Variants in AKAP7 observed in about 807,000 individuals in gnomAD.
AKAP7 encodes A kinase (PRKA) anchor protein 7.
Under a neutral mutation model 39.5 loss-of-function variants are expected in AKAP7, and 39 were observed. The observed-to-expected ratio is 0.99, with a 90% CI of 0.76 to 1.29. The LOEUF (loss-of-function observed/expected upper bound fraction) is 1.29. AKAP7 is among the 50% of genes most tolerant of loss of function. The pLI is 0.00. For missense variants in AKAP7, 414 were observed against 407.7 expected, an observed-to-expected ratio of 1.02 and a Z score of -0.13; for synonymous variants, 140 against 139.1, an observed-to-expected ratio of 1.01 and a Z score of -0.05.
chr6:131,226,385 A>C (rs1340151314), intron 7 of AKAP7, among the ~76,000 whole-genome samples: 1 of 152,242 alleles, frequency 6.6e-6, no homozygotes, highest in Non-Finnish European at 1.5e-5. Flanking sequence ...TTTCATGCTC[A>C]AAGCTTTGGG....
chr6:131,279,262 A>G (rs1240546697), intron 7 of AKAP7, among the ~76,000 whole-genome samples: 1 of 152,030 alleles, frequency 6.6e-6, no homozygotes, highest in African/African-American at 2.4e-5. Context: ...ATCAGCAGGG[A>G]AAATTCACTT....
chr6:131,148,157 T>C (rs972260454), intron 2 of AKAP7, among the ~76,000 whole-genome samples: 4 of 152,194 alleles, frequency 2.6e-5, no homozygotes, highest in East Asian at 1.9e-4. Context: ...TAGGATATGA[T>C]ATATTTTTTA....
chr6:131,273,754 C>G (rs1014189394), intron 7 of AKAP7, among the ~76,000 whole-genome samples: 5 of 152,114 alleles, frequency 3.3e-5, no homozygotes, highest in Non-Finnish European at 7.4e-5. Flanking sequence ...CTTTTTGTTT[C>G]TGAGTAGATC....
intron 7 of AKAP7, among the ~76,000 whole-genome samples, chr6:131,220,900 T>C (rs2128298506): frequency 6.6e-6 from 1 of 152,298 alleles, no homozygotes; most frequent in South Asian, 2.1e-4. Context: ...GATAAATGTG[T>C]GTGTTCCGAC....
rs192409869 is a variant in AKAP7 at position 131,282,718 on chromosome 6, C to T, written c.*992C>T. On this transcript the variant is annotated 3_prime_UTR_variant, in exon 8 of 8. Transcript: ENST00000431975. ...TAGTGTCTGCACAACAGCAAACCAA[C>T]ATTTGGTGAGGAATTAGCAATTTCT... is the stretch of plus-strand genomic sequence containing the variant. The T allele has an allele frequency of 3.4e-4, 277 of 809,598 alleles. 1 individual carries two copies. Among genetic ancestry groups the T allele is most frequent in the Non-Finnish European group, 4.3e-4 (246 of 566,456 alleles). 50.2% of individuals were successfully genotyped at this position (809,598 alleles called of 1,614,324 possible). A position where few individuals can be genotyped will look rare whatever the true frequency, so the allele number is the denominator to read the frequency against.
chr6:131,151,863 CA>C (rs754705940), intron 2 of AKAP7, among the ~76,000 whole-genome samples: 7 of 152,110 alleles, frequency 4.6e-5, no homozygotes, highest in Non-Finnish European at 7.4e-5. Context: ...AATAAAATAT[CA>C]AAACAAATCT....
chr6:131,239,477 T>C (rs1811347622), intron 7 of AKAP7, among the ~76,000 whole-genome samples: 1 of 152,232 alleles, frequency 6.6e-6, no homozygotes, highest in Non-Finnish European at 1.5e-5. Flanking sequence ...GGGGAAGTTC[T>C]CCTGGATAAT....
At chr6:131,134,539 T>C (rs192363657), upstream of AKAP7, among the ~76,000 whole-genome samples, 3 of 152,300 alleles carry the variant, frequency 2.0e-5, no homozygotes, top group Admixed American at 2.0e-4. Context: ...ATCAGCTCCA[T>C]AAGTAAAAGA....
chr6:131,126,642 C>G, the AKAP7 span, among the ~76,000 whole-genome samples: 1 of 152,090 alleles, frequency 6.6e-6, no homozygotes, highest in African/African-American at 2.4e-5. Context: ...CATGGAGAAG[C>G]AGGGGAAAGA....
chr6:131,164,372 A>T (rs1185941316), intron 3 of AKAP7: 1 of 455,286 alleles, frequency 2.2e-6, no homozygotes, highest in Non-Finnish European at 4.4e-6. Context: ...AGGAGGGAAG[A>T]TGCATCATTC....
chr6:131,164,383 C>T (rs946908217), intron 3 of AKAP7: 25 of 455,314 alleles, frequency 5.5e-5, no homozygotes, highest in Non-Finnish European at 4.4e-6. Flanking sequence ...TGCATCATTC[C>T]TCTCCCTGTT....
At chr6:131,150,836 C>G (rs907553556) in intron 2 of AKAP7, among the ~76,000 whole-genome samples, 3 of 152,144 alleles carry the variant, frequency 2.0e-5, no homozygotes, top group Admixed American at 6.6e-5. Flanking sequence ...TGGAAAGATT[C>G]AATTCCTCAA....
chr6:131,244,001 T>C (rs551268173), intron 7 of AKAP7, among the ~76,000 whole-genome samples: 1 of 146,400 alleles, frequency 6.8e-6, no homozygotes, highest in African/African-American at 2.5e-5. Flanking sequence ...TGCTTTTCCT[T>C]TTTTTTTTTT....
intron 5 of AKAP7, among the ~76,000 whole-genome samples, chr6:131,170,010 C>G (rs1803877427): frequency 6.6e-6 from 1 of 151,544 alleles, no homozygotes; most frequent in East Asian, 1.9e-4. Flanking sequence ...TGCTTCCATC[C>G]CTCCTTCTCT....
intron 7 of AKAP7, among the ~76,000 whole-genome samples, chr6:131,267,426 A>C (rs1813894237): frequency 1.3e-5 from 2 of 152,230 alleles, no homozygotes; most frequent in South Asian, 4.1e-4. Flanking sequence ...AGGTTGAAAT[A>C]AGCAACCTTG....
At chr6:131,239,314 A>G (rs4484548) in intron 7 of AKAP7, among the ~76,000 whole-genome samples, 73,931 of 151,970 alleles carry the variant, frequency 0.49, 18,165 homozygotes, top group Admixed American at 0.54. Context: ...TGGGTAACCC[A>G]ACCTTTCTCT....
chr6:131,148,655 G>A (rs1801669567), intron 2 of AKAP7, among the ~76,000 whole-genome samples: 1 of 152,054 alleles, frequency 6.6e-6, no homozygotes, highest in Non-Finnish European at 1.5e-5. Context: ...AAACACTAAG[G>A]AACAAATAGT....
In AKAP7 at chr6:131,281,544, G is replaced by C. The variant is rs1279946615; in HGVS notation, c.865G>C (p.Gly289Arg). ...SSIVIGEKNGGEPDDAELVRL... is the reference protein window; with the variant it reads ...SSIVIGEKNGREPDDAELVRL... ...GTGGAATGTAGGTGAAAAGAACGGA[G>C]GGGAGCCCGATGACGCTGAACTAGT... is the stretch of plus-strand genomic sequence containing the variant. Residue 289 changes from glycine to arginine, a missense_variant, in exon 8 of 8, where the codon GGG (glycine) becomes CGG (arginine). Transcript: ENST00000431975. This position sits in a 1 kb window ranked among gnomAD's most constrained non-coding sequence, Gnocchi z 4.0. 22 of 1,608,596 alleles carry C rather than the reference G, an allele frequency of 1.4e-5. No homozygotes were observed. Among genetic ancestry groups the C allele is most frequent in the African/African-American group, 8.0e-5 (6 of 74,690 alleles).
chr6:131,261,859 A>G (rs1257000317), intron 7 of AKAP7, among the ~76,000 whole-genome samples: 1 of 152,198 alleles, frequency 6.6e-6, no homozygotes. Context: ...AGTTGCTTTA[A>G]CAGAGAGAAT....
Sources: allele counts gnomAD v4.1 joint callset (sites outside exome capture counted in the v4.1 genomes callset), GRCh38; gene constraint gnomAD v4.1.1; non-coding constraint Gnocchi (gnomAD v3.1); transcripts MANE v1.5; gene names NCBI Gene and HGNC (gene_info 2026-07-23, HGNC 2026-07-21).